RIPOR2: variants seen among roughly 807,000 people sequenced by gnomAD.
RIPOR2 encodes the protein RHO family interacting cell polarization regulator 2, also known as rho family-interacting cell polarization regulator 2.
A neutral mutation model predicts 114.5 loss-of-function variants in RIPOR2; 39 were observed. The ratio of observed to expected loss-of-function variants is 0.34; its 90% CI spans 0.26 to 0.44. The LOEUF (loss-of-function observed/expected upper bound fraction) is 0.44. RIPOR2 is among the 20% of genes least tolerant of loss of function. The pLI is 1.00. For synonymous variants in RIPOR2, 445 were observed against 484.4 expected (o/e 0.92, Z 1.07); for missense variants, 1,007 against 1,255.1 (o/e 0.80, Z 2.99).
At chr6:24,923,839 C>T (rs1468780334) in intron 1 of RIPOR2, among the ~76,000 whole-genome samples, 1 of 152,000 alleles carries the variant, frequency 6.6e-6, no homozygotes, top group East Asian at 1.9e-4. Context: ...CAGAGTAAGA[C>T]TCTGTCTCAA....
chr6:25,022,531 C>CTTTTTTTTTTTT (rs1561848668), intron 1 of RIPOR2, among the ~76,000 whole-genome samples: 5 of 64,512 alleles, frequency 7.8e-5, no homozygotes, highest in Non-Finnish European at 1.4e-4. Context: ...TGGTACCTTC[C>CTTTTTTTTTTTT]ATTTTTTTTT....
chr6:24,886,584 C>A (rs990752905), intron 1 of RIPOR2, among the ~76,000 whole-genome samples: 3 of 152,180 alleles, frequency 2.0e-5, no homozygotes, highest in Admixed American at 1.3e-4. Context: ...TGTACACTGG[C>A]CCTTACTTTG....
rs1255510967 is a variant in RIPOR2 at position 25,037,597 on chromosome 6, C to T, written c.76+4254G>A. Among the ~76,000 whole-genome samples, 1 of 152,078 alleles carries T rather than the reference C, an allele frequency of 6.6e-6. No individual in the cohort carries two copies. Among genetic ancestry groups the T allele is most frequent in the Non-Finnish European group, 1.5e-5 (1 of 68,020 alleles). ...TGGCCTCTTTTAAAATTCAAATATC[C>T]CTAAGAAGGGTAACATATTACCGTT... is the stretch of plus-strand genomic sequence containing the variant. On this transcript the variant is annotated intron_variant, in intron 1 of 13. Transcript: ENST00000510784. The surrounding 1 kb of genome is among the most constrained non-coding windows in gnomAD (Gnocchi z 4.5).
At chr6:24,986,649 G>A (rs1049757158) in intron 1 of RIPOR2, among the ~76,000 whole-genome samples, 5 of 152,258 alleles carry the variant, frequency 3.3e-5, no homozygotes, top group Non-Finnish European at 5.9e-5. Context: ...CACCTGAAAC[G>A]CTCTGCTTGG....
At chr6:24,832,926 T>C (rs981219684) in intron 15 of RIPOR2, among the ~76,000 whole-genome samples, 1 of 152,256 alleles carries the variant, frequency 6.6e-6, no homozygotes, top group African/African-American at 2.4e-5. Flanking sequence ...TGTTAGCTTA[T>C]GTTATTTCTC....
intron 1 of RIPOR2, among the ~76,000 whole-genome samples, chr6:24,907,284 A>G (rs1769092320): frequency 6.6e-6 from 1 of 152,220 alleles, no homozygotes; most frequent in Non-Finnish European, 1.5e-5. Context: ...TGAACTTGTG[A>G]AAACATTCAT....
intron 1 of RIPOR2, chr6:24,877,261 C>A (rs1183262965): frequency 4.1e-6 from 4 of 985,304 alleles, no homozygotes; most frequent in Admixed American, 1.2e-4. Context: ...GAGAGAAGGA[C>A]AAACAGCCTC....
chr6:24,852,255 C>T (rs2113787570), intron 9 of RIPOR2, among the ~76,000 whole-genome samples: 1 of 151,754 alleles, frequency 6.6e-6, no homozygotes, highest in East Asian at 1.9e-4. Context: ...GAGCGAGACT[C>T]CATCTCAAAA....
chr6:24,898,330 A>C (rs1365211714), intron 1 of RIPOR2: 1 of 152,188 alleles, frequency 6.6e-6, no homozygotes, highest in African/African-American at 2.4e-5. Flanking sequence ...ATGAAGTTGT[A>C]ACTCCATTGT....
intron 1 of RIPOR2, among the ~76,000 whole-genome samples, chr6:25,003,044 T>C (rs1775388122): frequency 6.6e-6 from 1 of 152,232 alleles, no homozygotes; most frequent in African/African-American, 2.4e-5. Flanking sequence ...CCATGGAACA[T>C]TTTATGGTTA....
chr6:24,998,136 C>T (rs995437566), intron 1 of RIPOR2, among the ~76,000 whole-genome samples: 2 of 152,082 alleles, frequency 1.3e-5, no homozygotes, highest in African/African-American at 4.8e-5. Flanking sequence ...AACTGCCAAG[C>T]CCCTCTTTTT....
At chr6:24,852,492 T>C (rs1437423631) in intron 9 of RIPOR2, 83 bp downstream of exon 9, 2 of 1,102,150 alleles carry the variant, frequency 1.8e-6, no homozygotes, top group Non-Finnish European at 2.7e-6. Context: ...AAAAGACAAC[T>C]TGAAAAGCAA....
intron 1 of RIPOR2, among the ~76,000 whole-genome samples, chr6:24,944,082 G>A (rs1772285120): frequency 6.6e-6 from 1 of 152,148 alleles, no homozygotes; most frequent in Admixed American, 6.6e-5. Context: ...ACTTTGAAAA[G>A]CTCCCACATA....
Position 25,029,847 on chromosome 6 carries a change from T to A in RIPOR2, c.76+12004A>T, listed in dbSNP as rs181451490. On this transcript the variant is annotated intron_variant, in intron 1 of 13. Transcript: ENST00000510784. Reference sequence around the variant, plus strand: ...TAAAAGCTGGGTTAAAAACATGAAGTTAAACTATATGCTTTTCTTAAGAGA... The same window carrying A: ...TAAAAGCTGGGTTAAAAACATGAAGATAAACTATATGCTTTTCTTAAGAGA... Among the ~76,000 whole-genome samples the A allele has an allele frequency of 9.2e-5, 14 of 152,310 alleles. No homozygotes were observed. The East Asian group carries it at 2.5e-3, about 27-fold the overall frequency.
chr6:24,871,872 C>G (rs6918387), intron 4 of RIPOR2, among the ~76,000 whole-genome samples: 13,660 of 152,216 alleles, frequency 0.09, 734 homozygotes, highest in African/African-American at 0.16. Context: ...GATGGTCAAG[C>G]GCATTCACCA....
chr6:25,042,008 C>A, exon 1 of RIPOR2: 6 of 513,884 alleles, frequency 1.2e-5, no homozygotes, highest in South Asian at 2.6e-5. Context: ...TAAGTCCAGA[C>A]GTATAAAAAT....
intron 7 of RIPOR2, 51 bp from the exon 8 acceptor site, chr6:24,861,087 C>A: frequency 7.6e-7 from 1 of 1,316,120 alleles, no homozygotes; most frequent in South Asian, 1.2e-5. Context: ...CACCCAACAG[C>A]TCAAAGCACA....
intron 1 of RIPOR2, among the ~76,000 whole-genome samples, chr6:24,974,005 T>C (rs189296364): frequency 2.8e-4 from 43 of 152,322 alleles, no homozygotes; most frequent in African/African-American, 1.0e-3. Context: ...CTATGTTCAC[T>C]ACCTGGGTGA....
intron 1 of RIPOR2, among the ~76,000 whole-genome samples, chr6:24,994,385 G>T (rs773436075): frequency 3.3e-5 from 5 of 152,192 alleles, no homozygotes; most frequent in Non-Finnish European, 5.9e-5. Flanking sequence ...CAGCATCTTA[G>T]AGTGTATCAC....
Sources: allele counts gnomAD v4.1 joint callset (sites outside exome capture counted in the v4.1 genomes callset), GRCh38; gene constraint gnomAD v4.1.1; non-coding constraint Gnocchi (gnomAD v3.1); transcripts MANE v1.5; gene names NCBI Gene and HGNC (gene_info 2026-07-23, HGNC 2026-07-21).